Variants in EPCAM observed in about 807,000 individuals in gnomAD.
The protein encoded by EPCAM is epithelial cell adhesion molecule.
Under a neutral mutation model 40.0 loss-of-function variants are expected in EPCAM, and 39 were observed. The observed-to-expected ratio is 0.98, with a 90% CI of 0.76 to 1.27. EPCAM has a LOEUF of 1.27. Ranked by LOEUF, EPCAM falls within the 50% of genes most tolerant of loss-of-function variation. The pLI, the probability that EPCAM is intolerant of heterozygous loss-of-function variation, is 0.00. For synonymous variants in EPCAM, 168 were observed against 132.3 expected, an observed-to-expected ratio of 1.27 and a Z score of -1.85; for missense variants, 503 against 381.2, an observed-to-expected ratio of 1.32 and a Z score of -2.66.
At chr2:47,373,129 C>A (rs760207023) in intron 1 of EPCAM, among the ~76,000 whole-genome samples, 7 of 146,990 alleles carry the variant, frequency 4.8e-5, no homozygotes, top group Non-Finnish European at 1.0e-4. Context: ...CACTTGAGCC[C>A]TGTAGGTCCA....
intron 7 of EPCAM, among the ~76,000 whole-genome samples, chr2:47,384,660 C>T (rs767301846): frequency 4.6e-4 from 69 of 151,630 alleles, no homozygotes; most frequent in Non-Finnish European, 8.2e-4. Flanking sequence ...TCAAGTGATC[C>T]GCCCACCTCG....
intron 7 of EPCAM, among the ~76,000 whole-genome samples, chr2:47,382,783 G>A (rs1399501840): frequency 3.3e-5 from 5 of 152,138 alleles, no homozygotes; most frequent in Non-Finnish European, 1.5e-5. Flanking sequence ...TCTACGATAG[G>A]GAATAATGTG....
intron 7 of EPCAM, among the ~76,000 whole-genome samples, chr2:47,383,600 GCTTCTT>G (rs748996681): frequency 9.6e-6 from 1 of 104,566 alleles, no homozygotes; most frequent in Non-Finnish European, 1.8e-5. Context: ...ACTGTGCCCG[GCTTCTT>G]CTTTTTTTTT....
At chr2:47,371,295 C>G (rs1671258268) in intron 1 of EPCAM, among the ~76,000 whole-genome samples, 1 of 152,128 alleles carries the variant, frequency 6.6e-6, no homozygotes, top group African/African-American at 2.4e-5. Context: ...GTGTCTCCGT[C>G]TGTCGTTCAG....
In EPCAM at chr2:47,378,960, A is replaced by AT; in HGVS notation, c.564dup (p.Asn189Ter). The AT allele has an allele frequency of 2.7e-6, 4 of 1,493,940 alleles. No homozygotes were observed. Among genetic ancestry groups the AT allele is most frequent in the Non-Finnish European group, 3.7e-6 (4 of 1,071,038 alleles). 92.5% of individuals were successfully genotyped at this position (1,493,940 alleles called of 1,614,324 possible). A position where few individuals can be genotyped will look rare whatever the true frequency, so the allele number is the denominator to read the frequency against. ...TTCAATTTTTTTCCCCAGTATGAGA[A>AT]TAATGTTATCACTATTGATCTGGTT... is the stretch of plus-strand genomic sequence containing the variant. On this transcript the variant is annotated frameshift_variant, in exon 6 of 9. Coordinates refer to ENST00000263735, the MANE Select transcript of EPCAM (RefSeq NM_002354.3). LOFTEE classifies it high-confidence loss of function.
chr2:47,372,850 G>C (rs546884690), intron 1 of EPCAM, among the ~76,000 whole-genome samples: 13 of 152,094 alleles, frequency 8.5e-5, no homozygotes, highest in Admixed American at 7.9e-4. Context: ...GCTAAGACTG[G>C]GAGTTTCACA....
At chr2:47,372,892 T>C (rs1671311972) in intron 1 of EPCAM, among the ~76,000 whole-genome samples, 1 of 151,604 alleles carries the variant, frequency 6.6e-6, no homozygotes, top group Non-Finnish European at 1.5e-5. Flanking sequence ...CTTGGAGAGC[T>C]GTGTTCTTGT....
At chr2:47,373,631 T>C in intron 2 of EPCAM, 61 bp downstream of exon 2, 1 of 1,453,840 alleles carries the variant, frequency 6.9e-7, no homozygotes, top group Non-Finnish European at 9.6e-7. Flanking sequence ...CTTTAATTGA[T>C]GTGCCTTGAG....
intron 5 of EPCAM, 106 bp downstream of exon 5, chr2:47,377,183 AG>A (rs377644504): frequency 3.7e-6 from 3 of 808,652 alleles, no homozygotes; most frequent in African/African-American, 1.7e-5. Flanking sequence ...CACTTACTGG[AG>A]CAACAGTTTC....
rs779487392 is a variant in EPCAM, at chr2:47,373,905, T to C, written c.282T>C (p.Leu94=). The C allele has an allele frequency of 1.1e-5, 17 of 1,614,146 alleles. No individual in the cohort carries two copies. In the South Asian group the frequency reaches 1.4e-4, roughly 14 times the overall value. The change falls in exon 3 of 9, where the codon CTT becomes CTC. Residue 94 remains leucine, a synonymous_variant. Transcript: ENST00000263735. The stretch of plus-strand genomic sequence containing the variant: ...GGGCCCTCCAGAACAATGATGGGCT[T>C]TATGATCCTGACTGCGATGAGAGCG... The part of the protein sequence containing the change: ...PEGALQNNDG[L]YDPDCDESGL...
chr2:47,369,659 A>G, intron 1 of EPCAM, 78 bp downstream of exon 1: 1 of 1,404,698 alleles, frequency 7.1e-7, no homozygotes, highest in Non-Finnish European at 9.9e-7. Flanking sequence ...GGCCCCCGAA[A>G]CGGGCATAAT....
intron 1 of EPCAM, among the ~76,000 whole-genome samples, chr2:47,373,137 C>G (rs1327247046): frequency 6.8e-6 from 1 of 146,268 alleles, no homozygotes; most frequent in Non-Finnish European, 1.5e-5. Flanking sequence ...CCCTGTAGGT[C>G]CATGCTGCAG....
intron 5 of EPCAM, among the ~76,000 whole-genome samples, chr2:47,377,456 C>T (rs566494163): frequency 2.6e-5 from 4 of 152,062 alleles, no homozygotes; most frequent in East Asian, 1.9e-4. Context: ...AGGCTGGTCT[C>T]GAACTCCTGG....
chr2:47,383,320 AAG>A, intron 7 of EPCAM: 1 of 154,326 alleles, frequency 6.5e-6, no homozygotes, highest in Non-Finnish European at 1.4e-5. Flanking sequence ...AAAAAAAAAA[AAG>A]AAAAGGAGTC....
intron 5 of EPCAM, chr2:47,377,531 C>A (rs1245562625): frequency 4.1e-6 from 1 of 242,188 alleles, no homozygotes; most frequent in Non-Finnish European, 8.2e-6. Flanking sequence ...GCCACCACGC[C>A]CGGCCCATTG....
intron 7 of EPCAM, among the ~76,000 whole-genome samples, chr2:47,384,505 T>C (rs4953498): frequency 0.14 from 20,264 of 147,954 alleles, 1,854 homozygotes; most frequent in African/African-American, 0.26. Flanking sequence ...CCTCTGCCTC[T>C]CGGGTTCAAG....
At chr2:47,371,105 A>G (rs1160429496) in intron 1 of EPCAM, among the ~76,000 whole-genome samples, 1 of 152,238 alleles carries the variant, frequency 6.6e-6, no homozygotes, top group African/African-American at 2.4e-5. Context: ...TGGGCCTCCC[A>G]GAGTGCTGGG....
chr2:47,385,197 A>T lies in EPCAM; in HGVS notation c.890A>T (p.Tyr297Phe), dbSNP rs1166683165. 6.2e-7 allele frequency: 1 copy of T among 1,613,102 alleles called. No homozygotes were observed. Among genetic ancestry groups the T allele is most frequent in the African/African-American group, 1.3e-5 (1 of 75,014 alleles). ...VISRKKRMAK[Y>F]EKAEIKEMGE... ...TCCAGAAAGAAGAGAATGGCAAAGT[A>T]TGAGAAGGCTGAGGTAAATGGATTA... The change falls in exon 8 of 9, where the codon TAT (tyrosine) becomes TTT (phenylalanine). Residue 297 changes from tyrosine (Y) to phenylalanine (F), a missense_variant. Coordinates refer to ENST00000263735, the MANE Select transcript of EPCAM (RefSeq NM_002354.3).
In EPCAM at chr2:47,386,610, A is replaced by G. The variant is rs2103770914; in HGVS notation, c.942A>G (p.Ala314=). ...GTGAGATGCATAGGGAACTCAATGC[A>G]TAACTATATAATTTGAAGATTATAG... ...EMGEMHRELN[A] is the part of the protein sequence containing the mutation. The change falls in exon 9 of 9, where the codon GCA becomes GCG. Residue 314 remains alanine (A), a synonymous_variant. Coordinates refer to ENST00000263735, the MANE Select transcript of EPCAM (RefSeq NM_002354.3). The G allele has an allele frequency of 1.2e-6, 2 of 1,600,996 alleles. No individual in the cohort carries two copies. The highest frequency in any genetic ancestry group is 1.7e-6 in the Non-Finnish European group (2 of 1,168,890).
Sources: allele counts gnomAD v4.1 joint callset (sites outside exome capture counted in the v4.1 genomes callset), GRCh38; gene constraint gnomAD v4.1.1; transcripts MANE v1.5; gene names NCBI Gene and HGNC (gene_info 2026-07-23, HGNC 2026-07-21).